RABEPK: variants seen among roughly 807,000 people sequenced by gnomAD.
The protein encoded by RABEPK is Rab9 effector protein with kelch motifs.
Under a neutral mutation model 34.1 loss-of-function variants are expected in RABEPK, and 27 were observed. The observed-to-expected ratio is 0.79, with a 90% CI of 0.58 to 1.09. RABEPK has a LOEUF of 1.09. Ranked by LOEUF, RABEPK falls within the 50% of genes least tolerant of loss-of-function variation. The probability of loss-of-function intolerance (pLI) is 0.00; values close to 1 mark genes in which losing one functional copy is unlikely to be tolerated. For missense variants in RABEPK, 449 were observed against 462.6 expected (o/e 0.97, Z 0.27); for synonymous variants, 172 against 169.2 (o/e 1.02, Z -0.13).
In RABEPK at chr9:125,213,439, C is replaced by T; in HGVS notation, c.281C>T (p.Pro94Leu). 1 of 1,614,062 alleles carries T rather than the reference C, an allele frequency of 6.2e-7. No individual in the cohort carries two copies. Among genetic ancestry groups the T allele is most frequent in the Non-Finnish European group, 8.5e-7 (1 of 1,179,974 alleles). ...LPRYEHASFI[P>L]SCTPDRIWVF... Reference sequence around the variant, plus strand: ...CGGTATGAACATGCTAGCTTCATTCCCTCCTGCACACCTGACCGTATCTGG... The same window carrying T: ...CGGTATGAACATGCTAGCTTCATTCTCTCCTGCACACCTGACCGTATCTGG... The change falls in exon 4 of 8, where the codon CCC (proline) becomes CTC (leucine). Residue 94 changes from proline (P) to leucine (L), a missense_variant. By Grantham distance (98) the Pro-to-Leu change is moderately conservative (BLOSUM62 -3). Coordinates refer to ENST00000373538, the MANE Select transcript of RABEPK (RefSeq NM_005833.4).
At chr9:125,209,548 C>G (rs1054754635) in intron 3 of RABEPK, among the ~76,000 whole-genome samples, 2 of 152,096 alleles carry the variant, frequency 1.3e-5, no homozygotes, top group African/African-American at 4.8e-5. Context: ...GGGGGTTTCA[C>G]CATGTTGGCC....
intron 3 of RABEPK, among the ~76,000 whole-genome samples, chr9:125,210,020 A>C (rs566429256): frequency 2.6e-5 from 4 of 152,244 alleles, no homozygotes; most frequent in East Asian, 3.9e-4. Flanking sequence ...TATTTTCCTC[A>C]TCATTGTATC....
At chr9:125,219,199 C>CTTT (rs1297507989) in intron 4 of RABEPK, among the ~76,000 whole-genome samples, 2 of 96,296 alleles carry the variant, frequency 2.1e-5, no homozygotes, top group African/African-American at 3.8e-5. Context: ...TTCTTTCTTT[C>CTTT]TTTTTTTTTT....
Position 125,222,774 on chromosome 9 carries a change from A to G in RABEPK, c.526+2074A>G, listed in dbSNP as rs16927973. ...ATTCTATATGTTACATTTGCATCCTATATTTTTCACTTAAGCATTGTTCCA... is the reference window on the plus strand; with the variant it reads ...ATTCTATATGTTACATTTGCATCCTGTATTTTTCACTTAAGCATTGTTCCA... On this transcript the variant is annotated intron_variant, in intron 5 of 7. Coordinates refer to ENST00000373538, the MANE Select transcript of RABEPK (RefSeq NM_005833.4). Among the ~76,000 whole-genome samples, 948 of 151,580 alleles carry G rather than the reference A, an allele frequency of 6.3e-3. 12 individuals carry two copies. The East Asian group carries it at 0.075, about 12-fold the overall frequency.
Position 125,206,950 on chromosome 9 carries a change from G to A in RABEPK, c.54-614G>A, listed in dbSNP as rs1332769936. 3.3e-5 allele frequency among the ~76,000 whole-genome samples: 5 copies of A among 152,042 alleles called. No homozygotes were observed. In the East Asian group the frequency reaches 7.7e-4, roughly 23 times the overall value. On this transcript the variant is annotated intron_variant, in intron 2 of 7. Coordinates refer to ENST00000373538, the MANE Select transcript of RABEPK (RefSeq NM_005833.4). Reference sequence around the variant, plus strand: ...ACTAAAAATATAAAATTAGCCAGGTGTGGTGGCACATGCCTGTAATCCCAG... The same window carrying A: ...ACTAAAAATATAAAATTAGCCAGGTATGGTGGCACATGCCTGTAATCCCAG...
rs111335703 is a variant in RABEPK at position 125,204,031 on chromosome 9, CAAAAA to C, written c.53+982_53+986del. 1.3e-4 allele frequency among the ~76,000 whole-genome samples: 11 copies of C among 82,208 alleles called. 1 individual carries two copies. The South Asian group carries it at 5.0e-3, about 37-fold the overall frequency. The allele number at this position is 82,208 out of a possible 152,430, so 53.9% of individuals were successfully genotyped here. On this transcript the variant is annotated intron_variant, in intron 2 of 7. Transcript: ENST00000373538. Reference sequence around the variant, plus strand: ...TGGGCCACAGAGCAAGAATCCGTTTCAAAAAAAAAAAAAAAAAAAAAGGCCGGGCA... The same window carrying C: ...TGGGCCACAGAGCAAGAATCCGTTTCAAAAAAAAAAAAAAAAGGCCGGGCA...
intron 5 of RABEPK, among the ~76,000 whole-genome samples, chr9:125,222,590 T>G (rs568126295): frequency 3.2e-4 from 49 of 151,648 alleles, no homozygotes; most frequent in African/African-American, 1.2e-3. Flanking sequence ...GACGCACACC[T>G]GTAATCCCAG....
intron 4 of RABEPK, among the ~76,000 whole-genome samples, chr9:125,220,144 C>T (rs974719532): frequency 6.6e-6 from 1 of 151,994 alleles, no homozygotes; most frequent in African/African-American, 2.4e-5. Context: ...GATTACAGGT[C>T]CCCACCACCA....
chr9:125,224,242 G>A (rs1291633857), intron 5 of RABEPK, among the ~76,000 whole-genome samples: 1 of 151,254 alleles, frequency 6.6e-6, no homozygotes, highest in Non-Finnish European at 1.5e-5. Context: ...AGTTTTTGCA[G>A]TACTCCTTTA....
chr9:125,228,288 G>C (rs1831913001), intron 6 of RABEPK, among the ~76,000 whole-genome samples: 1 of 151,756 alleles, frequency 6.6e-6, no homozygotes, highest in Admixed American at 6.6e-5. Context: ...TGGTAGAGAT[G>C]GGGTCTCACC....
chr9:125,222,353 C>A (rs1056527242), intron 5 of RABEPK: 2 of 151,616 alleles, frequency 1.3e-5, no homozygotes, highest in African/African-American at 4.8e-5. Context: ...TGTGTATGTA[C>A]TATCACCCCA....
intron 4 of RABEPK, among the ~76,000 whole-genome samples, chr9:125,217,171 A>G (rs1830985972): frequency 6.6e-6 from 1 of 152,058 alleles, no homozygotes; most frequent in African/African-American, 2.4e-5. Context: ...CACATTGGAT[A>G]GTAATAGTTT....
intron 2 of RABEPK, among the ~76,000 whole-genome samples, chr9:125,205,000 T>G (rs1389035342): frequency 6.6e-6 from 1 of 152,080 alleles, no homozygotes; most frequent in African/African-American, 2.4e-5. Context: ...GCTAATTTTT[T>G]TTTTTAGAGA....
At chr9:125,214,804 T>TTG (rs1830817478) in intron 4 of RABEPK, among the ~76,000 whole-genome samples, 1 of 151,680 alleles carries the variant, frequency 6.6e-6, no homozygotes, top group African/African-American at 2.4e-5. Flanking sequence ...TTTTTTTTTT[T>TTG]TTTGTGACGG....
At chr9:125,224,690 G>A (rs531862045) in intron 5 of RABEPK, among the ~76,000 whole-genome samples, 6 of 152,124 alleles carry the variant, frequency 3.9e-5, no homozygotes, top group East Asian at 1.9e-4. Flanking sequence ...TCCTGACCTC[G>A]TGATCCGCCC....
chr9:125,233,089 AAAAG>A (rs1170025257), intron 7 of RABEPK, among the ~76,000 whole-genome samples: 26 of 151,604 alleles, frequency 1.7e-4, no homozygotes, highest in Non-Finnish European at 2.7e-4. Context: ...AAAAAAAAAA[AAAAG>A]AAAGAAAGAA....
intron 6 of RABEPK, among the ~76,000 whole-genome samples, 188 bp from the exon 7 acceptor site, chr9:125,232,408 C>T (rs1027992226): frequency 6.6e-6 from 1 of 152,212 alleles, no homozygotes; most frequent in African/African-American, 2.4e-5. Context: ...TGAGCCCCTC[C>T]CTGCCTTCCT....
intron 4 of RABEPK, among the ~76,000 whole-genome samples, chr9:125,219,542 C>T (rs999346838): frequency 6.6e-6 from 1 of 151,602 alleles, no homozygotes; most frequent in African/African-American, 2.4e-5. Context: ...TATAGGTCCC[C>T]ACCACGACAC....
intron 4 of RABEPK, among the ~76,000 whole-genome samples, chr9:125,214,138 GA>G (rs1215319671): frequency 6.0e-5 from 9 of 151,194 alleles, no homozygotes; most frequent in East Asian, 1.9e-4. Flanking sequence ...AAAAGAAAAA[GA>G]AAAAAAAATT....
Sources: allele counts gnomAD v4.1 joint callset (sites outside exome capture counted in the v4.1 genomes callset), GRCh38; gene constraint gnomAD v4.1.1; transcripts MANE v1.5; gene names NCBI Gene and HGNC (gene_info 2026-07-23, HGNC 2026-07-21).